PDCD10: variants seen among roughly 807,000 people sequenced by gnomAD.
The protein encoded by PDCD10 is programmed cell death protein 10.
Under a neutral mutation model 29.2 loss-of-function variants are expected in PDCD10, and 4 were observed. That is an observed-to-expected ratio of 0.14 (90% CI 0.07 to 0.31). The LOEUF (loss-of-function observed/expected upper bound fraction) is 0.31, where lower values mean the gene tolerates loss of function less well. PDCD10 is among the 10% of genes least tolerant of loss of function. PDCD10 has a pLI of 1.00. For missense variants in PDCD10, 183 were observed against 257.9 expected (o/e 0.71, Z 1.99); for synonymous variants, 70 against 82.2 (o/e 0.85, Z 0.80).
chr3:167,730,700 T>C (rs1331390819), intron 2 of PDCD10: 3 of 152,204 alleles, frequency 2.0e-5, no homozygotes. Context: ...CTCTATGCCA[T>C]ACCGTGGTAC....
In PDCD10 at chr3:167,708,081, C is replaced by T. The variant is rs114018449; in HGVS notation, c.97-3186G>A. Among the ~76,000 whole-genome samples, 773 of 152,190 alleles carry T rather than the reference C, an allele frequency of 5.1e-3. 5 individuals carry two copies. The highest frequency in any genetic ancestry group is 0.018 in the African/African-American group (744 of 41,532). ...CCTTCTGTAACTTATTGTTGATAGC[C>T]TTTAAGAACACTTACACTTACTATC... On this transcript the variant is annotated intron_variant, in intron 3 of 8. Coordinates refer to ENST00000392750, the MANE Select transcript of PDCD10 (RefSeq NM_007217.4).
chr3:167,719,606 G>A (rs1246216216), intron 3 of PDCD10, among the ~76,000 whole-genome samples: 1 of 152,010 alleles, frequency 6.6e-6, no homozygotes, highest in Non-Finnish European at 1.5e-5. Flanking sequence ...ATATAATTAA[G>A]ATCTTTGTGC....
intron 3 of PDCD10, among the ~76,000 whole-genome samples, chr3:167,719,855 T>C (rs1723398266): frequency 6.6e-6 from 1 of 152,154 alleles, no homozygotes; most frequent in South Asian, 2.1e-4. Context: ...TAAATGTCTC[T>C]TTCCCATTAT....
At chr3:167,693,762 G>C (rs1720504706) in intron 6 of PDCD10, among the ~76,000 whole-genome samples, 1 of 151,716 alleles carries the variant, frequency 6.6e-6, no homozygotes, top group African/African-American at 2.4e-5. Context: ...GGGCAATGTA[G>C]GGAGATGTGG....
At chr3:167,700,422 A>G (rs949083522) in intron 4 of PDCD10, among the ~76,000 whole-genome samples, 19 of 152,200 alleles carry the variant, frequency 1.2e-4, no homozygotes, top group African/African-American at 3.4e-4. Context: ...AAGTCATGAC[A>G]TTACAAGAAG....
intron 6 of PDCD10, among the ~76,000 whole-genome samples, 153 bp downstream of exon 6, chr3:167,695,443 G>A (rs1337281190): frequency 3.3e-5 from 5 of 151,998 alleles, no homozygotes; most frequent in Non-Finnish European, 1.5e-5. Flanking sequence ...GAAACCAAAC[G>A]CCATAAAGTT....
chr3:167,709,950 T>G (rs762772167), intron 3 of PDCD10, among the ~76,000 whole-genome samples: 2 of 151,974 alleles, frequency 1.3e-5, no homozygotes, highest in Non-Finnish European at 2.9e-5. Flanking sequence ...CCAGGCCCTA[T>G]CTCCTGGACA....
chr3:167,714,337 C>G (rs907371168), intron 3 of PDCD10, among the ~76,000 whole-genome samples: 2 of 151,878 alleles, frequency 1.3e-5, no homozygotes, highest in African/African-American at 4.8e-5. Context: ...AATTCAACAT[C>G]CTTCATGATA....
Position 167,704,882 on chromosome 3 carries a change from T to C in PDCD10, c.110A>G (p.Asn37Ser). Residue 37 changes from asparagine to serine, a missense_variant, in exon 4 of 9, where the codon AAT (asparagine) becomes AGT (serine). Physicochemically the swap from Asn to Ser is conservative, Grantham distance 46 (BLOSUM62 1). Transcript: ENST00000392750. Reference sequence around the variant, plus strand: ...TCTCAGTGTCTGGGCTGCAGACAGATTTACTCGTTCTAGCTGCAATAAAAA... The same window carrying C: ...TCTCAGTGTCTGGGCTGCAGACAGACTTACTCGTTCTAGCTGCAATAAAAA... Reference protein sequence around the residue: ...YPVFNELERVNLSAAQTLRAA... With the variant: ...YPVFNELERVSLSAAQTLRAA... The C allele has an allele frequency of 3.1e-6, 5 of 1,606,326 alleles. No homozygotes were observed. The highest frequency in any genetic ancestry group is 4.3e-6 in the Non-Finnish European group (5 of 1,173,412).
At chr3:167,688,737 A>G (rs937088371) in intron 6 of PDCD10, among the ~76,000 whole-genome samples, 2 of 152,196 alleles carry the variant, frequency 1.3e-5, no homozygotes, top group Admixed American at 6.5e-5. Context: ...GAAGAAATGA[A>G]TAAGATGGAA....
chr3:167,704,994 A>G (rs1721835205), intron 3 of PDCD10, 99 bp from the exon 4 acceptor site: 7 of 696,620 alleles, frequency 1.0e-5, no homozygotes, highest in Non-Finnish European at 1.8e-5. Flanking sequence ...CACATTAAAC[A>G]TTTAATCAAC....
chr3:167,697,240 G>C, intron 4 of PDCD10, 114 bp from the exon 5 acceptor site: 1 of 677,662 alleles, frequency 1.5e-6, no homozygotes, highest in South Asian at 1.6e-5. Context: ...ACTTTTAAGG[G>C]CAGAAATCTT....
At chr3:167,707,025 C>T (rs949868400) in intron 3 of PDCD10, among the ~76,000 whole-genome samples, 3 of 152,228 alleles carry the variant, frequency 2.0e-5, no homozygotes, top group African/African-American at 4.8e-5. Flanking sequence ...TGAATATCTT[C>T]AACCTGGTTC....
At chr3:167,701,049 T>C (rs1202129617) in intron 4 of PDCD10, among the ~76,000 whole-genome samples, 2 of 152,144 alleles carry the variant, frequency 1.3e-5, no homozygotes, top group African/African-American at 2.4e-5. Context: ...TCCTTATTTA[T>C]AATGCTGCTA....
intron 4 of PDCD10, among the ~76,000 whole-genome samples, chr3:167,700,104 A>G (rs1376351992): frequency 6.6e-6 from 1 of 152,218 alleles, no homozygotes; most frequent in Non-Finnish European, 1.5e-5. Flanking sequence ...CAGATGCAAT[A>G]TTAAATCATA....
intron 8 of PDCD10, among the ~76,000 whole-genome samples, chr3:167,685,202 T>C (rs1719463498): frequency 6.6e-6 from 1 of 151,866 alleles, no homozygotes; most frequent in South Asian, 2.1e-4. Flanking sequence ...ATGAGGTCTC[T>C]TGGAGTGTGA....
intron 2 of PDCD10, among the ~76,000 whole-genome samples, chr3:167,731,534 G>A (rs191138343): frequency 8.1e-4 from 123 of 152,218 alleles, no homozygotes; most frequent in Middle Eastern, 3.4e-3. Context: ...AAGCATATCC[G>A]CTTTATTCAT....
chr3:167,692,643 G>T (rs1386563955), intron 6 of PDCD10, among the ~76,000 whole-genome samples: 1 of 152,198 alleles, frequency 6.6e-6, no homozygotes, highest in Non-Finnish European at 1.5e-5. Flanking sequence ...CTTAGGCCAG[G>T]CGTGTTGGCT....
chr3:167,733,988 G>A (rs1439136555), intron 2 of PDCD10, among the ~76,000 whole-genome samples: 2 of 152,110 alleles, frequency 1.3e-5, no homozygotes, highest in African/African-American at 4.8e-5. Context: ...ATCTCACAAT[G>A]GCTTCTTAGA....
Sources: gnomAD v4.1 joint callset for allele counts (sites outside exome capture counted in the v4.1 genomes callset) on GRCh38, gnomAD v4.1.1 for gene constraint, MANE v1.5 for transcripts, NCBI Gene and HGNC (gene_info 2026-07-23, HGNC 2026-07-21) for gene names.